Variants in ATG7 observed in about 807,000 individuals in gnomAD.
ATG7 encodes the protein autophagy related 7.
ATG7 carries 70 observed loss-of-function variants against 82.4 expected under a neutral mutation model. That is an observed-to-expected ratio of 0.85 (90% CI 0.70 to 1.04). The LOEUF (loss-of-function observed/expected upper bound fraction) is 1.04, where lower values mean the gene tolerates loss of function less well. ATG7 is among the 50% of genes least tolerant of loss of function. The pLI is 0.00. For missense variants in ATG7, 792 were observed against 864.3 expected (o/e 0.92, Z 1.05); for synonymous variants, 287 against 313.0 (o/e 0.92, Z 0.88).
intron 1 of ATG7, among the ~76,000 whole-genome samples, chr3:11,277,846 A>G (rs1275773610): frequency 7.0e-6 from 1 of 141,890 alleles, no homozygotes; most frequent in African/African-American, 2.6e-5. Context: ...TTCAGTCCTT[A>G]TCTCAACTGC....
intron 17 of ATG7, 24 bp from the exon 18 acceptor site, chr3:11,364,635 G>GTT (rs1559475361): frequency 6.2e-7 from 1 of 1,612,708 alleles, no homozygotes; most frequent in Admixed American, 1.7e-5. Flanking sequence ...TAAATGAGCA[G>GTT]CTCTGATTGT....
At chr3:11,436,930 T>G (rs2083420833) in intron 20 of ATG7, among the ~76,000 whole-genome samples, 1 of 152,192 alleles carries the variant, frequency 6.6e-6, no homozygotes, top group Admixed American at 6.5e-5. Context: ...GGAAAATCAG[T>G]GGCTACTTAA....
At chr3:11,433,989 C>G (rs1019156707) in intron 20 of ATG7, among the ~76,000 whole-genome samples, 1 of 152,176 alleles carries the variant, frequency 6.6e-6, no homozygotes, top group Non-Finnish European at 1.5e-5. Context: ...ACTCAGAATT[C>G]TAGAAAATGC....
At chr3:11,520,716 G>GTC (rs935245844) in intron 20 of ATG7, among the ~76,000 whole-genome samples, 158 of 152,324 alleles carry the variant, frequency 1.0e-3, no homozygotes, top group African/African-American at 3.7e-3. Flanking sequence ...TGGTCTCACA[G>GTC]TCATTCTGTG....
At chr3:11,319,870 T>C (rs563527316) in intron 9 of ATG7, among the ~76,000 whole-genome samples, 3 of 152,362 alleles carry the variant, frequency 2.0e-5, no homozygotes, top group African/African-American at 7.2e-5. Context: ...AGCAGCTTCC[T>C]AACAAGCCTC....
intron 19 of ATG7, among the ~76,000 whole-genome samples, chr3:11,390,990 G>A (rs2078755878): frequency 6.6e-6 from 1 of 152,328 alleles, no homozygotes; most frequent in African/African-American, 2.4e-5. Context: ...TGTAGTTGCA[G>A]TACCATAGCC....
Position 11,463,749 on chromosome 3 carries a change from C to T in ATG7, c.2079+36823C>T, listed in dbSNP as rs569464688. On this transcript the variant is annotated intron_variant, in intron 20 of 20. Coordinates refer to ENST00000693202, the MANE Select transcript of ATG7 (RefSeq NM_001349232.2). Reference sequence around the variant, plus strand: ...AGACAGGAAGTGTGACTACTGGCAGCTCCAGAGCCTCATAATCCATAGCTT... The same window carrying T: ...AGACAGGAAGTGTGACTACTGGCAGTTCCAGAGCCTCATAATCCATAGCTT... Among the ~76,000 whole-genome samples, 25 of 152,294 alleles carry T rather than the reference C, an allele frequency of 1.6e-4. No homozygotes were observed. The South Asian group carries it at 5.2e-3, about 32-fold the overall frequency.
chr3:11,318,759 C>G (rs1294798274), intron 9 of ATG7, among the ~76,000 whole-genome samples: 1 of 152,160 alleles, frequency 6.6e-6, no homozygotes, highest in Non-Finnish European at 1.5e-5. Flanking sequence ...TCTGGCTACC[C>G]CTGTGCCCTC....
At chr3:11,410,085 G>GT (rs1284726706) in intron 19 of ATG7, among the ~76,000 whole-genome samples, 2 of 151,888 alleles carry the variant, frequency 1.3e-5, no homozygotes, top group Non-Finnish European at 2.9e-5. Context: ...CAATCAGCTT[G>GT]TTTTATATCT....
chr3:11,460,846 G>A (rs1402013457), intron 20 of ATG7, among the ~76,000 whole-genome samples: 1 of 152,214 alleles, frequency 6.6e-6, no homozygotes, highest in African/African-American at 2.4e-5. Context: ...AGGCTGCATG[G>A]AGAAGGTGCC....
chr3:11,301,720 G>A (rs1249352393), intron 5 of ATG7, among the ~76,000 whole-genome samples: 3 of 152,132 alleles, frequency 2.0e-5, no homozygotes, highest in Admixed American at 6.5e-5. Flanking sequence ...GGAAACTACT[G>A]GAAATGTACA....
chr3:11,313,235 A>G, intron 7 of ATG7, 69 bp from the exon 8 acceptor site: 2 of 1,039,370 alleles, frequency 1.9e-6, no homozygotes, highest in Non-Finnish European at 2.8e-6. Flanking sequence ...GAGAAGCTAC[A>G]TTAATAGATG....
intron 19 of ATG7, among the ~76,000 whole-genome samples, chr3:11,415,009 C>T (rs1039221226): frequency 5.9e-5 from 9 of 152,192 alleles, no homozygotes; most frequent in Admixed American, 3.9e-4. Flanking sequence ...GTATGAATAT[C>T]GTAAAGTGTC....
intron 3 of ATG7, among the ~76,000 whole-genome samples, chr3:11,297,914 G>GCATCAGT (rs1378880841): frequency 6.6e-6 from 1 of 152,148 alleles, no homozygotes; most frequent in Non-Finnish European, 1.5e-5. Flanking sequence ...TAACAGTAGT[G>GCATCAGT]CATCAGTCAG....
At chr3:11,515,247 G>GAACAC in intron 20 of ATG7, among the ~76,000 whole-genome samples, 1 of 152,094 alleles carries the variant, frequency 6.6e-6, no homozygotes, top group East Asian at 1.9e-4. Flanking sequence ...GTGTGTTCAT[G>GAACAC]TCTCAACTGA....
At position 11,555,148 on chromosome 3, in the gene ATG7, T is replaced by C. The variant is rs2072282647; in HGVS notation, c.*305T>C. The stretch of plus-strand genomic sequence containing the variant: ...CTGATAGCCATCCCCCAGGATCCTT[T>C]CCCCTTGGCCCTGAGGGGGTGACCC... On this transcript the variant is annotated 3_prime_UTR_variant, in exon 21 of 21. Coordinates refer to ENST00000693202, the MANE Select transcript of ATG7 (RefSeq NM_001349232.2). 2.4e-6 allele frequency: 1 copy of C among 413,546 alleles called. No homozygotes were observed. The highest frequency in any genetic ancestry group is 4.3e-6 in the Non-Finnish European group (1 of 230,872). 25.6% of individuals were successfully genotyped at this position (413,546 alleles called of 1,614,324 possible). A position where few individuals can be genotyped will look rare whatever the true frequency, so the allele number is the denominator to read the frequency against.
At position 11,308,732 on chromosome 3, in the gene ATG7, C is replaced by T. The variant is rs527706563; in HGVS notation, c.334-252C>T. ...CATGAAAATGGCCTGGTTGCCCCCT[C>T]GGTGCTGAGATCTGCTGAGAGGAGG... On this transcript the variant is annotated intron_variant, in intron 6 of 20. Coordinates refer to ENST00000693202, the MANE Select transcript of ATG7 (RefSeq NM_001349232.2). The T allele has an allele frequency of 4.9e-5, 26 of 534,086 alleles. 1 individual carries two copies. Among genetic ancestry groups the T allele is most frequent in the Non-Finnish European group, 7.4e-5 (22 of 299,138 alleles). 33.1% of individuals were successfully genotyped at this position (534,086 alleles called of 1,614,324 possible). A position where few individuals can be genotyped will look rare whatever the true frequency, so the allele number is the denominator to read the frequency against.
intron 20 of ATG7, among the ~76,000 whole-genome samples, chr3:11,462,319 G>A (rs1307250955): frequency 8.5e-5 from 13 of 152,214 alleles, no homozygotes; most frequent in Non-Finnish European, 2.9e-5. Context: ...AGGAGACACA[G>A]GAGAGGCTCA....
chr3:11,360,412 A>T (rs878921433), intron 15 of ATG7, among the ~76,000 whole-genome samples, 169 bp from the exon 16 acceptor site: 1 of 152,222 alleles, frequency 6.6e-6, no homozygotes, highest in South Asian at 2.1e-4. Flanking sequence ...GTCTTTTGTA[A>T]TTAATAAGCC....
Sources: gnomAD v4.1 joint callset for allele counts (sites outside exome capture counted in the v4.1 genomes callset) on GRCh38, gnomAD v4.1.1 for gene constraint, MANE v1.5 for transcripts, NCBI Gene and HGNC (gene_info 2026-07-23, HGNC 2026-07-21) for gene names.